The following ZNF148 variants were observed in gnomAD, a reference collection of about 807,000 sequenced individuals.
The protein encoded by ZNF148 is Beta-Enolase Repressor Factor-1.
A neutral mutation model predicts 67.7 loss-of-function variants in ZNF148; 7 were observed. The observed-to-expected ratio is 0.10, with a 90% confidence interval of 0.06 to 0.19. The LOEUF is 0.19. Ranked by LOEUF, ZNF148 falls within the 10% of genes least tolerant of loss-of-function variation. The pLI, the probability that ZNF148 is intolerant of heterozygous loss-of-function variation, is 1.00. For missense variants in ZNF148, 583 were observed against 947.1 expected (o/e 0.62, Z 5.05); for synonymous variants, 333 against 330.7 (o/e 1.01, Z -0.08).
chr3:125,303,976 G>A (rs528334419), intron 4 of ZNF148, among the ~76,000 whole-genome samples: 1 of 152,080 alleles, frequency 6.6e-6, no homozygotes, highest in South Asian at 2.1e-4. Flanking sequence ...GATGGAGGGG[G>A]TCTTCTCTGT....
intron 7 of ZNF148, among the ~76,000 whole-genome samples, chr3:125,271,184 G>T (rs1002312570): frequency 2.6e-5 from 4 of 152,038 alleles, no homozygotes; most frequent in African/African-American, 9.7e-5. Context: ...TGCTTTACAC[G>T]ATAAATCTGA....
chr3:125,349,034 T>G (rs1022035619), intron 1 of ZNF148, among the ~76,000 whole-genome samples: 1 of 152,130 alleles, frequency 6.6e-6, no homozygotes, highest in Admixed American at 6.5e-5. Flanking sequence ...GGCAGCTATA[T>G]GAAAAAGAAT....
intron 7 of ZNF148, among the ~76,000 whole-genome samples, chr3:125,244,749 T>C (rs1936521427): frequency 6.6e-6 from 1 of 152,108 alleles, no homozygotes; most frequent in Admixed American, 6.5e-5. Flanking sequence ...CTACCCGCCT[T>C]GCCCTCCCAA....
chr3:125,311,596 T>C (rs971808340), intron 4 of ZNF148, among the ~76,000 whole-genome samples: 1 of 151,998 alleles, frequency 6.6e-6, no homozygotes, highest in Non-Finnish European at 1.5e-5. Context: ...AAATCAAATG[T>C]ACATCAATTA....
chr3:125,291,661 A>C (rs1486902230), intron 4 of ZNF148, among the ~76,000 whole-genome samples: 1 of 152,120 alleles, frequency 6.6e-6, no homozygotes, highest in Admixed American at 6.6e-5. Context: ...TTAAAAGCAC[A>C]CTGAAATTTC....
At chr3:125,330,356 T>G (rs1314361467) in intron 2 of ZNF148, among the ~76,000 whole-genome samples, 2 of 150,336 alleles carry the variant, frequency 1.3e-5, no homozygotes, top group African/African-American at 4.9e-5. Context: ...TCCCAGCTAC[T>G]TGAGAGGCCT....
At chr3:125,236,193 CTGA>C (rs1936082955) in intron 7 of ZNF148, among the ~76,000 whole-genome samples, 1 of 151,926 alleles carries the variant, frequency 6.6e-6, no homozygotes, top group South Asian at 2.1e-4. Context: ...CTAAATTATA[CTGA>C]TGTAGTTCAA....
intron 7 of ZNF148, 33 bp downstream of exon 7, chr3:125,277,693 T>C: frequency 6.4e-7 from 1 of 1,564,512 alleles, no homozygotes; most frequent in Non-Finnish European, 8.7e-7. Flanking sequence ...AATAATCATT[T>C]TAATGAACCT....
chr3:125,265,032 G>C (rs973258451), intron 7 of ZNF148, among the ~76,000 whole-genome samples: 7 of 152,148 alleles, frequency 4.6e-5, no homozygotes, highest in Non-Finnish European at 1.0e-4. Flanking sequence ...TAAACTTCAA[G>C]TTTATACACA....
chr3:125,360,247 T>G (rs1942494711), intron 1 of ZNF148, among the ~76,000 whole-genome samples: 1 of 152,182 alleles, frequency 6.6e-6, no homozygotes, highest in South Asian at 2.1e-4. Context: ...AGAACATCTT[T>G]TGTCTTTTAC....
At chr3:125,245,070 T>C (rs9858110) in intron 7 of ZNF148, among the ~76,000 whole-genome samples, 124,637 of 152,152 alleles carry the variant, frequency 0.82, 51,676 homozygotes, top group African/African-American at 0.95. Context: ...ACTCTCAAGA[T>C]CTCCAAAACC....
chr3:125,276,581 G>A (rs1161456094), intron 7 of ZNF148, among the ~76,000 whole-genome samples: 1 of 152,022 alleles, frequency 6.6e-6, no homozygotes, highest in Non-Finnish European at 1.5e-5. Flanking sequence ...TTACAGGCAT[G>A]TGCTACCATG....
At chr3:125,302,570 G>A (rs1004320532) in intron 4 of ZNF148, among the ~76,000 whole-genome samples, 7 of 152,090 alleles carry the variant, frequency 4.6e-5, no homozygotes, top group Admixed American at 1.3e-4. Context: ...CTGGTATATC[G>A]CATAATACAG....
At chr3:125,333,805 G>A (rs1941386614) in intron 1 of ZNF148, among the ~76,000 whole-genome samples, 1 of 152,196 alleles carries the variant, frequency 6.6e-6, no homozygotes, top group Non-Finnish European at 1.5e-5. Flanking sequence ...ATGAGGTTAT[G>A]TCCCAATAGG....
chr3:125,366,152 CAT>C (rs34370274), intron 1 of ZNF148, among the ~76,000 whole-genome samples: 3,918 of 152,326 alleles, frequency 0.026, 103 homozygotes, highest in South Asian at 0.084. Flanking sequence ...ATACTTTAAT[CAT>C]ATGTTAACAT....
rs552444590 is a variant in ZNF148 at position 125,313,395 on chromosome 3, G to A, written c.246C>T (p.Val82=). 7 of 1,613,998 alleles carry A rather than the reference G, an allele frequency of 4.3e-6. No homozygotes were observed. Among genetic ancestry groups the A allele is most frequent in the Admixed American group, 1.7e-5 (1 of 59,986 alleles). The part of the protein sequence containing the change: ...QDMISHDELM[V]HEETVKNDEE... The stretch of plus-strand genomic sequence containing the variant: ...CATCATTTTTCACTGTCTCCTCATG[G>A]ACCATGAGTTCATCATGTGATATCA... Residue 82 remains valine, a synonymous_variant, in exon 4 of 9, where the codon GTC becomes GTT. Transcript: ENST00000360647.
intron 4 of ZNF148, among the ~76,000 whole-genome samples, chr3:125,306,483 A>C (rs948377212): frequency 1.3e-5 from 2 of 152,196 alleles, no homozygotes; most frequent in Non-Finnish European, 2.9e-5. Context: ...AACAAAAGAA[A>C]ATATTAATAG....
At chr3:125,293,257 C>T (rs1045650549) in intron 4 of ZNF148, among the ~76,000 whole-genome samples, 2 of 152,120 alleles carry the variant, frequency 1.3e-5, no homozygotes, top group Non-Finnish European at 2.9e-5. Flanking sequence ...CTTAACTATA[C>T]AATCCCTTTC....
intron 5 of ZNF148, among the ~76,000 whole-genome samples, chr3:125,285,359 A>G (rs1316711025): frequency 6.6e-6 from 1 of 152,178 alleles, no homozygotes; most frequent in Non-Finnish European, 1.5e-5. Flanking sequence ...TCTGAAGCAT[A>G]AATTTTTATA....
Sources: allele counts gnomAD v4.1 joint callset (sites outside exome capture counted in the v4.1 genomes callset), GRCh38; gene constraint gnomAD v4.1.1; transcripts MANE v1.5; gene names NCBI Gene and HGNC (gene_info 2026-07-23, HGNC 2026-07-21).